The following ELMO1 variants were observed in gnomAD, a reference collection of about 807,000 sequenced individuals.
ELMO1 encodes engulfment and cell motility protein 1.
Under a neutral mutation model 98.9 loss-of-function variants are expected in ELMO1, and 26 were observed. That is an observed-to-expected ratio of 0.26 (90% CI 0.19 to 0.36). ELMO1 has a LOEUF of 0.36. ELMO1 is among the 10% of genes least tolerant of loss of function. The pLI, the probability that ELMO1 is intolerant of heterozygous loss-of-function variation, is 1.00. For missense variants in ELMO1, 627 were observed against 935.2 expected (o/e 0.67, Z 4.30); for synonymous variants, 346 against 346.0 (o/e 1.00, Z 0.00).
At chr7:37,301,020 T>C (rs1223240817) in intron 4 of ELMO1, among the ~76,000 whole-genome samples, 2 of 151,948 alleles carry the variant, frequency 1.3e-5, no homozygotes, top group African/African-American at 4.8e-5. Context: ...TCGAGGAATT[T>C]ATCCATTTCT....
intron 2 of ELMO1, among the ~76,000 whole-genome samples, chr7:37,337,864 G>A (rs1273970390): frequency 1.3e-5 from 2 of 151,728 alleles, no homozygotes; most frequent in African/African-American, 2.4e-5. Context: ...GAGTGGCCAA[G>A]ATGGAAAAAA....
rs140496845 is a variant in ELMO1 at position 37,178,704 on chromosome 7, C to T, written c.1086+32682G>A. 3.2e-4 allele frequency among the ~76,000 whole-genome samples: 49 copies of T among 152,284 alleles called. No individual in the cohort carries two copies. The Middle Eastern group carries it at 0.01, about 32-fold the overall frequency. On this transcript the variant is annotated intron_variant, in intron 13 of 21. Transcript: ENST00000310758. ...TAAAAATTGTAAAAGTCAGGAGAGA[C>T]GTACCTCCTCATACGAGGTGGCAAG... is the stretch of plus-strand genomic sequence containing the variant.
chr7:36,866,698 A>G (rs1414324677), intron 20 of ELMO1, among the ~76,000 whole-genome samples: 2 of 152,202 alleles, frequency 1.3e-5, no homozygotes, highest in African/African-American at 4.8e-5. Context: ...CTCATGGCAC[A>G]AAATGTCAAA....
chr7:36,990,642 T>C (rs947636163), intron 16 of ELMO1, among the ~76,000 whole-genome samples: 2 of 152,106 alleles, frequency 1.3e-5, no homozygotes, highest in African/African-American at 4.8e-5. Flanking sequence ...TTATCCCATA[T>C]TGTCTTGGGG....
At chr7:36,915,552 C>T (rs867337712) in intron 16 of ELMO1, among the ~76,000 whole-genome samples, 2 of 152,144 alleles carry the variant, frequency 1.3e-5, no homozygotes, top group African/African-American at 4.8e-5. Context: ...CACATCTTTT[C>T]GGCTTGAAGT....
chr7:36,974,639 C>T (rs142444661), intron 16 of ELMO1, among the ~76,000 whole-genome samples: 4,040 of 152,234 alleles, frequency 0.027, 196 homozygotes, highest in African/African-American at 0.092. Context: ...ATCAGCAGGA[C>T]ATGGGTGGGG....
At chr7:36,889,969 G>A (rs916546646) in intron 17 of ELMO1, among the ~76,000 whole-genome samples, 29 of 152,118 alleles carry the variant, frequency 1.9e-4, no homozygotes, top group Non-Finnish European at 4.3e-4. Context: ...CTTTCCTGGC[G>A]AATGGACTCA....
intron 13 of ELMO1, among the ~76,000 whole-genome samples, chr7:37,175,825 C>T (rs369674459): frequency 1.3e-5 from 2 of 152,076 alleles, no homozygotes; most frequent in Admixed American, 6.5e-5. Context: ...CCAGCCTGGG[C>T]GACAGAGTGA....
At chr7:36,878,158 G>A (rs755709041) in intron 18 of ELMO1, 41 bp from the exon 19 acceptor site, 1 of 1,491,404 alleles carries the variant, frequency 6.7e-7, no homozygotes, top group African/African-American at 1.4e-5. Context: ...AGTGATTGTG[G>A]TTTATCAAAA....
chr7:36,997,524 T>G (rs181183492), intron 16 of ELMO1, among the ~76,000 whole-genome samples: 1 of 152,238 alleles, frequency 6.6e-6, no homozygotes, highest in Admixed American at 6.5e-5. Context: ...AGATCTCTCC[T>G]GGATTTCAAG....
chr7:37,108,778 A>G (rs1785076453), intron 14 of ELMO1, among the ~76,000 whole-genome samples: 1 of 152,210 alleles, frequency 6.6e-6, no homozygotes, highest in Admixed American at 6.5e-5. Context: ...GCAGTTATTG[A>G]ACAAGTGCAT....
intron 16 of ELMO1, among the ~76,000 whole-genome samples, chr7:36,910,827 C>T (rs942996920): frequency 2.6e-5 from 4 of 152,172 alleles, no homozygotes; most frequent in East Asian, 1.9e-4. Context: ...AAGGAGGACA[C>T]GTGGTGCCTC....
chr7:37,188,018 C>A (rs924642716), intron 13 of ELMO1, among the ~76,000 whole-genome samples: 2 of 151,648 alleles, frequency 1.3e-5, no homozygotes, highest in Non-Finnish European at 2.9e-5. Context: ...TCTTCATTCA[C>A]AGAGTTTAAA....
At chr7:37,392,739 C>T (rs1046354045) in intron 1 of ELMO1, among the ~76,000 whole-genome samples, 1 of 152,250 alleles carries the variant, frequency 6.6e-6, no homozygotes, top group Non-Finnish European at 1.5e-5. Context: ...GATTACAACT[C>T]CTTCCCTTGA....
At position 36,926,688 on chromosome 7, in the gene ELMO1, G is replaced by A. The variant is rs995091381; in HGVS notation, c.1438-31671C>T. Among the ~76,000 whole-genome samples, 6 of 152,088 alleles carry A rather than the reference G, an allele frequency of 3.9e-5. No homozygotes were observed. The East Asian group carries it at 9.6e-4, about 24-fold the overall frequency. On this transcript the variant is annotated intron_variant, in intron 16 of 21. Coordinates refer to ENST00000310758, the MANE Select transcript of ELMO1 (RefSeq NM_014800.11). ...TAACCCTAAGGGACAATTCATTCAC[G>A]TGTGCTCTTAATATACGGAGATGCA...
chr7:36,974,023 C>CG lies in ELMO1; in HGVS notation c.1437+39275_1437+39276insC, dbSNP rs1260683354. 4.0e-4 allele frequency among the ~76,000 whole-genome samples: 61 copies of CG among 152,348 alleles called. 1 individual carries two copies. Among genetic ancestry groups the CG allele is most frequent in the African/African-American group, 1.4e-3 (60 of 41,578 alleles). ...AGCCCGCCATGCCTGAGCCTCCCCC[C>CG]CACTCCGTGGGCTCCTGTGCGTCTG... On this transcript the variant is annotated intron_variant, in intron 16 of 21. Transcript: ENST00000310758.
chr7:36,997,442 G>A (rs1445935410), intron 16 of ELMO1, among the ~76,000 whole-genome samples: 1 of 152,144 alleles, frequency 6.6e-6, no homozygotes, highest in Non-Finnish European at 1.5e-5. Context: ...TAAAAGGCAG[G>A]TGGCCCTTCT....
In ELMO1 at chr7:36,975,851, A is replaced by C. The variant is rs1028505156; in HGVS notation, c.1437+37448T>G. Among the ~76,000 whole-genome samples, 4 of 151,998 alleles carry C rather than the reference A, an allele frequency of 2.6e-5. No individual in the cohort carries two copies. The East Asian group carries it at 7.7e-4, about 29-fold the overall frequency. Reference sequence around the variant, plus strand: ...AACAGAGTGACACTTGCCTGAAAAAAAAAAAAAAAAAAGATAAAATTGTAT... The same window carrying C: ...AACAGAGTGACACTTGCCTGAAAAACAAAAAAAAAAAAGATAAAATTGTAT... On this transcript the variant is annotated intron_variant, in intron 16 of 21. Transcript: ENST00000310758.
At chr7:37,210,466 ATAT>A (rs1181343457) in intron 13 of ELMO1, among the ~76,000 whole-genome samples, 4 of 151,570 alleles carry the variant, frequency 2.6e-5, no homozygotes, top group Admixed American at 1.3e-4. Context: ...CTATGTATAA[ATAT>A]TATTATTAGT....
Sources: gnomAD v4.1 joint callset for allele counts (sites outside exome capture counted in the v4.1 genomes callset) on GRCh38, gnomAD v4.1.1 for gene constraint, MANE v1.5 for transcripts, NCBI Gene and HGNC (gene_info 2026-07-23, HGNC 2026-07-21) for gene names.